The following TNIP1 variants were observed in gnomAD, a reference collection of about 807,000 sequenced individuals.
TNIP1 encodes the protein TNFAIP3-interacting protein 1.
Under a neutral mutation model 86.6 loss-of-function variants are expected in TNIP1, and 22 were observed. The observed-to-expected ratio is 0.25, with a 90% CI of 0.18 to 0.36. TNIP1 has a LOEUF of 0.36. Ranked by LOEUF, TNIP1 falls within the 10% of genes least tolerant of loss-of-function variation. The pLI is 1.00. For missense variants in TNIP1, 709 were observed against 820.6 expected, an observed-to-expected ratio of 0.86 and a Z score of 1.66; for synonymous variants, 294 against 313.0, an observed-to-expected ratio of 0.94 and a Z score of 0.64.
intron 4 of TNIP1, among the ~76,000 whole-genome samples, chr5:151,060,691 G>A (rs573947671): frequency 1.3e-5 from 2 of 152,314 alleles, no homozygotes; most frequent in South Asian, 2.1e-4. Context: ...TTTTAAGGCC[G>A]TGTACTTTTT....
intron 13 of TNIP1, among the ~76,000 whole-genome samples, chr5:151,036,238 A>G (rs1279907269): frequency 6.6e-6 from 1 of 152,104 alleles, no homozygotes; most frequent in Non-Finnish European, 1.5e-5. Flanking sequence ...CACAGAGACA[A>G]TGGGAGAGCC....
At chr5:151,035,384 A>G (rs11748040) in intron 14 of TNIP1, among the ~76,000 whole-genome samples, 198 bp downstream of exon 14, 138,449 of 152,332 alleles carry the variant, frequency 0.91, 62,939 homozygotes, top group East Asian at 1. Context: ...AGAGGTAGAG[A>G]TATCTTAGAG....
chr5:151,081,912 G>C (rs183471589), upstream of TNIP1, among the ~76,000 whole-genome samples: 136 of 152,272 alleles, frequency 8.9e-4, no homozygotes, highest in African/African-American at 3.2e-3. Context: ...TTTTTAAAAA[G>C]AAAGAAAGCT....
At chr5:151,046,365 T>A (rs1011892448) in intron 8 of TNIP1, 1 of 157,368 alleles carries the variant, frequency 6.4e-6, no homozygotes, top group Non-Finnish European at 1.4e-5. Context: ...ATAAAACATA[T>A]ATGTTTTATA....
chr5:151,051,773 T>TA (rs1231593973), intron 7 of TNIP1, among the ~76,000 whole-genome samples: 1 of 152,132 alleles, frequency 6.6e-6, no homozygotes, highest in Non-Finnish European at 1.5e-5. Flanking sequence ...CTAAGCCCCC[T>TA]AGTCCAGTGG....
At chr5:151,055,768 AG>A (rs1242420576) in intron 6 of TNIP1, among the ~76,000 whole-genome samples, 1 of 152,200 alleles carries the variant, frequency 6.6e-6, no homozygotes, top group African/African-American at 2.4e-5. Flanking sequence ...CACAGATCAG[AG>A]AATGGCCTGG....
intron 13 of TNIP1, 22 bp downstream of exon 13, chr5:151,036,768 G>T: frequency 6.2e-7 from 1 of 1,613,840 alleles, no homozygotes; most frequent in Non-Finnish European, 8.5e-7. Context: ...CCTCCCACCT[G>T]ATTTCCTCCC....
In TNIP1 at chr5:151,030,542, A is replaced by T; in HGVS notation, c.*171T>A. The T allele has an allele frequency of 6.8e-6, 7 of 1,030,910 alleles. No individual in the cohort carries two copies. The highest frequency in any genetic ancestry group is 1.0e-5 in the Non-Finnish European group (7 of 701,082). The allele number at this position is 1,030,910 out of a possible 1,614,324, so 63.9% of individuals were successfully genotyped here. On this transcript the variant is annotated 3_prime_UTR_variant, in exon 18 of 18. Coordinates refer to ENST00000521591, the MANE Select transcript of TNIP1 (RefSeq NM_006058.5). ...AAAGCCTTCTGGGTGGAGCCTCCCC[A>T]GTCCTGTAAACAGCTCAGTTCAGGG...
intron 14 of TNIP1, among the ~76,000 whole-genome samples, chr5:151,035,358 C>T (rs1459773120): frequency 6.6e-6 from 1 of 152,232 alleles, no homozygotes; most frequent in Non-Finnish European, 1.5e-5. Context: ...AAGCCCAGAA[C>T]TGACTGTGGA....
At chr5:151,066,275 C>T (rs1762228216) in intron 1 of TNIP1, among the ~76,000 whole-genome samples, 1 of 152,246 alleles carries the variant, frequency 6.6e-6, no homozygotes, top group Non-Finnish European at 1.5e-5. Context: ...GAAGAACATT[C>T]TTTGCAGAGA....
rs1668251804 is a variant in TNIP1, at chr5:151,042,405, G to A, written c.1134+135C>T. 1.6e-5 allele frequency: 19 copies of A among 1,165,700 alleles called. No homozygotes were observed. The South Asian group carries it at 2.4e-4, about 15-fold the overall frequency. 72.2% of individuals were successfully genotyped at this position (1,165,700 alleles called of 1,614,324 possible). On this transcript the variant is annotated intron_variant, in intron 11 of 17. Transcript: ENST00000521591. The stretch of plus-strand genomic sequence containing the variant: ...TGCAGTGCAGGGAAGGAACGTGCCT[G>A]TGTTTTTGGTCACCTAGCTCTTTCG...
At chr5:151,060,269 A>C (rs1761378666) in intron 5 of TNIP1, 49 bp downstream of exon 5, 1 of 1,594,848 alleles carries the variant, frequency 6.3e-7, no homozygotes, top group South Asian at 1.1e-5. Flanking sequence ...AAGTGACAGG[A>C]CACAAAGAGG....
intron 1 of TNIP1, among the ~76,000 whole-genome samples, chr5:151,068,969 C>A (rs781287644): frequency 6.6e-6 from 1 of 152,238 alleles, no homozygotes; most frequent in East Asian, 1.9e-4. Flanking sequence ...CCTCAGCCAG[C>A]GGGGCCTCCA....
At chr5:151,057,903 A>G (rs1342508794) in intron 5 of TNIP1, among the ~76,000 whole-genome samples, 1 of 152,182 alleles carries the variant, frequency 6.6e-6, no homozygotes, top group Non-Finnish European at 1.5e-5. Flanking sequence ...GCCATTTTAC[A>G]TCAGGGACTT....
At chr5:151,078,648 A>C (rs1763658211) in intron 1 of TNIP1, among the ~76,000 whole-genome samples, 1 of 152,206 alleles carries the variant, frequency 6.6e-6, no homozygotes, top group East Asian at 1.9e-4. Flanking sequence ...CCCTCTGAGG[A>C]GCTGACATTT....
intron 3 of TNIP1, among the ~76,000 whole-genome samples, chr5:151,063,200 G>A (rs1397141851): frequency 2.0e-5 from 3 of 152,150 alleles, no homozygotes; most frequent in East Asian, 3.8e-4. Context: ...AAATGGACGC[G>A]CAGGGCACGA....
At chr5:151,063,359 G>T (rs1761827333) in intron 3 of TNIP1, among the ~76,000 whole-genome samples, 1 of 152,164 alleles carries the variant, frequency 6.6e-6, no homozygotes, top group South Asian at 2.1e-4. Flanking sequence ...GTCAACTGTT[G>T]TATCTATTAC....
chr5:151,056,118 T>C (rs796587120), intron 6 of TNIP1, among the ~76,000 whole-genome samples: 64 of 152,166 alleles, frequency 4.2e-4, no homozygotes, highest in African/African-American at 1.3e-3. Flanking sequence ...CATTGGGGGA[T>C]AGAGAGGATA....
chr5:151,073,243 A>T (rs868043048), intron 1 of TNIP1, among the ~76,000 whole-genome samples: 2 of 149,162 alleles, frequency 1.3e-5, no homozygotes, highest in Non-Finnish European at 1.5e-5. Context: ...AAAAAAAAAA[A>T]GGGGTGTTTG....
Sources: gnomAD v4.1 joint callset for allele counts (sites outside exome capture counted in the v4.1 genomes callset) on GRCh38, gnomAD v4.1.1 for gene constraint, MANE v1.5 for transcripts, NCBI Gene and HGNC (gene_info 2026-07-23, HGNC 2026-07-21) for gene names.